Variants in CFAP58 observed in about 807,000 individuals in gnomAD.
CFAP58 encodes cilia- and flagella-associated protein 58.
CFAP58 carries 88 observed loss-of-function variants against 119.5 expected under a neutral mutation model. That is an observed-to-expected ratio of 0.74 (90% CI 0.62 to 0.88). CFAP58 has a LOEUF of 0.88. Among genes scored for constraint, CFAP58 ranks in the 40% least tolerant of loss-of-function variants. The pLI, the probability that CFAP58 is intolerant of heterozygous loss-of-function variation, is 0.00. For synonymous variants in CFAP58, 365 were observed against 366.3 expected (o/e 1.00, Z 0.04); for missense variants, 990 against 1,021.2 (o/e 0.97, Z 0.42).
chr10:104,420,751 AT>A (rs66462966), intron 15 of CFAP58, among the ~76,000 whole-genome samples: 28,140 of 121,206 alleles, frequency 0.23, 1,805 homozygotes, highest in African/African-American at 0.25. Flanking sequence ...TTTATATTTG[AT>A]TTTTTTTTTT....
At chr10:104,426,757 C>T (rs2012757327) in intron 15 of CFAP58, among the ~76,000 whole-genome samples, 1 of 152,132 alleles carries the variant, frequency 6.6e-6, no homozygotes, top group Admixed American at 6.5e-5. Context: ...ATGTTGAGAG[C>T]TATTGATTTT....
intron 15 of CFAP58, among the ~76,000 whole-genome samples, chr10:104,444,880 T>C (rs972027664): frequency 6.6e-6 from 1 of 152,220 alleles, no homozygotes; most frequent in Non-Finnish European, 1.5e-5. Context: ...CTGGGTTATT[T>C]AATTCTCAGA....
upstream of CFAP58, chr10:104,351,950 A>G (rs76452395): frequency 0.016 from 2,382 of 152,328 alleles, 35 homozygotes; most frequent in Non-Finnish European, 0.022. Flanking sequence ...AGAAAAAGAA[A>G]AAAGATCAAT....
chr10:104,370,375 G>T (rs2014806177), intron 6 of CFAP58, among the ~76,000 whole-genome samples: 1 of 152,210 alleles, frequency 6.6e-6, no homozygotes, highest in Admixed American at 6.5e-5. Flanking sequence ...CCACATGGCT[G>T]GGGAGGCCTC....
intron 15 of CFAP58, among the ~76,000 whole-genome samples, chr10:104,430,755 G>C (rs2012832356): frequency 6.6e-6 from 1 of 152,162 alleles, no homozygotes; most frequent in Non-Finnish European, 1.5e-5. Context: ...TGAGCCATGT[G>C]TGTGATTTTA....
chr10:104,406,928 A>G (rs1244188693), intron 15 of CFAP58, 135 bp downstream of exon 15: 6 of 646,746 alleles, frequency 9.3e-6, no homozygotes, highest in Admixed American at 2.8e-5. Context: ...TGACTTACAC[A>G]TAAAGAACAA....
At chr10:104,385,072 G>A (rs1458699816) in intron 9 of CFAP58, among the ~76,000 whole-genome samples, 1 of 152,138 alleles carries the variant, frequency 6.6e-6, no homozygotes, top group African/African-American at 2.4e-5. Flanking sequence ...CCTGCGTTGT[G>A]ATTGCACTTT....
At chr10:104,384,717 C>T (rs998174792) in intron 9 of CFAP58, among the ~76,000 whole-genome samples, 1 of 152,168 alleles carries the variant, frequency 6.6e-6, no homozygotes, top group Admixed American at 6.5e-5. Flanking sequence ...TACATAAAAC[C>T]TGGTGCCAAG....
At chr10:104,360,290 G>A (rs2014648375) in intron 2 of CFAP58, among the ~76,000 whole-genome samples, 1 of 152,140 alleles carries the variant, frequency 6.6e-6, no homozygotes, top group African/African-American at 2.4e-5. Flanking sequence ...CTGAGACTGG[G>A]TAATTTATAA....
chr10:104,374,392 A>G (rs2014861845), intron 7 of CFAP58, among the ~76,000 whole-genome samples: 1 of 139,384 alleles, frequency 7.2e-6, no homozygotes, highest in South Asian at 2.5e-4. Flanking sequence ...CAGAGGTTGC[A>G]GTGAGCTGTA....
chr10:104,352,166 G>A (rs1354784440), upstream of CFAP58, among the ~76,000 whole-genome samples: 2 of 152,152 alleles, frequency 1.3e-5, no homozygotes, highest in Admixed American at 6.5e-5. Context: ...AAAGCACTTA[G>A]AATAGTATCT....
chr10:104,356,395 T>G (rs571734400), intron 1 of CFAP58, among the ~76,000 whole-genome samples: 2 of 152,184 alleles, frequency 1.3e-5, no homozygotes, highest in Non-Finnish European at 2.9e-5. Context: ...AAATTTTACT[T>G]TATTATTGGG....
chr10:104,363,824 C>T (rs1281811751), intron 3 of CFAP58, among the ~76,000 whole-genome samples: 2 of 152,224 alleles, frequency 1.3e-5, no homozygotes, highest in South Asian at 4.1e-4. Flanking sequence ...TGATGACTGT[C>T]AGCTGCAAGA....
Position 104,415,383 on chromosome 10 carries a change from G to C in CFAP58, c.2256+8590G>C, listed in dbSNP as rs552069851. On this transcript the variant is annotated intron_variant, in intron 15 of 17. Coordinates refer to ENST00000369704, the MANE Select transcript of CFAP58 (RefSeq NM_001008723.2). Reference sequence around the variant, plus strand: ...CTCTGAGGAATCACACAGGAAAGCGGGTAAAATTGTCCATCAGAGGAAAGA... The same window carrying C: ...CTCTGAGGAATCACACAGGAAAGCGCGTAAAATTGTCCATCAGAGGAAAGA... Among the ~76,000 whole-genome samples the C allele has an allele frequency of 2.0e-5, 3 of 152,258 alleles. No individual in the cohort carries two copies. In the South Asian group the frequency reaches 6.2e-4, roughly 32 times the overall value.
chr10:104,412,508 T>C (rs2012477400), intron 15 of CFAP58, among the ~76,000 whole-genome samples: 2 of 152,160 alleles, frequency 1.3e-5, no homozygotes, highest in South Asian at 4.1e-4. Context: ...GTTATCTTGC[T>C]GAAGCCCCAA....
At chr10:104,345,957 G>C in the CFAP58 span, among the ~76,000 whole-genome samples, 1 of 151,996 alleles carries the variant, frequency 6.6e-6, no homozygotes, top group Admixed American at 6.5e-5. Context: ...TTGCTATAAA[G>C]GAATATCTGA....
At position 104,358,569 on chromosome 10, in the gene CFAP58, A is replaced by G; in HGVS notation, c.238A>G (p.Thr80Ala). 1 of 1,614,176 alleles carries G rather than the reference A, an allele frequency of 6.2e-7. No individual in the cohort carries two copies. ...EIVVNSAKVA[T>A]ALKLSQDDQT... ...TGTAGTGAATTCTGCGAAGGTCGCC[A>G]CTGCCCTTAAGCTCTCTCAGGATGA... Residue 80 changes from threonine (T) to alanine (A), a missense_variant, in exon 2 of 18, where the codon ACT becomes GCT. Thr to Ala is a moderately conservative substitution (Grantham distance 58, BLOSUM62 0). Coordinates refer to ENST00000369704, the MANE Select transcript of CFAP58 (RefSeq NM_001008723.2).
chr10:104,409,059 C>T (rs2012415043), intron 15 of CFAP58, among the ~76,000 whole-genome samples: 1 of 152,004 alleles, frequency 6.6e-6, no homozygotes, highest in Admixed American at 6.6e-5. Flanking sequence ...GTGATTGTGC[C>T]ACTGCACTTC....
Position 104,370,921 on chromosome 10 carries a change from G to A in CFAP58, c.957G>A (p.Met319Ile), listed in dbSNP as rs762394680. 8 of 1,612,926 alleles carry A rather than the reference G, an allele frequency of 5.0e-6. No individual in the cohort carries two copies. In the Admixed American group the frequency reaches 1.2e-4, roughly 24 times the overall value. Residue 319 changes from methionine (M) to isoleucine (I), a missense_variant, in exon 7 of 18, where the codon ATG (methionine) becomes ATA (isoleucine). Transcript: ENST00000369704. ...CCAAAGAGGAAGAAGTCCATCAAATGCGCCTTGACATCGGGAAGCTCAACA... is the reference window on the plus strand; with the variant it reads ...CCAAAGAGGAAGAAGTCCATCAAATACGCCTTGACATCGGGAAGCTCAACA... ...LKAKEEEVHQ[M>I]RLDIGKLNKI... is the part of the protein sequence containing the mutation.
Sources: gnomAD v4.1 joint callset for allele counts (sites outside exome capture counted in the v4.1 genomes callset) on GRCh38, gnomAD v4.1.1 for gene constraint, MANE v1.5 for transcripts, NCBI Gene and HGNC (gene_info 2026-07-23, HGNC 2026-07-21) for gene names.